Variants in SLC9A9 observed in about 807,000 individuals in gnomAD.
SLC9A9 encodes sodium/hydrogen exchanger 9.
A neutral mutation model predicts 77.8 loss-of-function variants in SLC9A9; 62 were observed. The ratio of observed to expected loss-of-function variants is 0.80; its 90% CI spans 0.65 to 0.98. The LOEUF (loss-of-function observed/expected upper bound fraction) is 0.98. SLC9A9 is among the 50% of genes least tolerant of loss of function. The pLI is 0.00. For missense variants in SLC9A9, 775 were observed against 774.9 expected (o/e 1.00, Z 0.00); for synonymous variants, 320 against 283.5 (o/e 1.13, Z -1.29).
intron 9 of SLC9A9, among the ~76,000 whole-genome samples, chr3:143,537,433 C>T (rs2036608296): frequency 6.6e-6 from 1 of 152,102 alleles, no homozygotes; most frequent in African/African-American, 2.4e-5. Flanking sequence ...CCAACTGCAG[C>T]CTGTGCTCCC....
At chr3:143,765,212 T>C (rs907623090) in intron 4 of SLC9A9, among the ~76,000 whole-genome samples, 1 of 151,354 alleles carries the variant, frequency 6.6e-6, no homozygotes, top group African/African-American at 2.4e-5. Flanking sequence ...CTCTCTTTCT[T>C]TCTCTCTTTC....
intron 14 of SLC9A9, among the ~76,000 whole-genome samples, chr3:143,321,573 G>A (rs1281083666): frequency 1.3e-5 from 2 of 152,122 alleles, no homozygotes; most frequent in Non-Finnish European, 2.9e-5. Context: ...TGTGTGGTCT[G>A]TATTCTGTTT....
intron 15 of SLC9A9, among the ~76,000 whole-genome samples, chr3:143,267,541 C>T (rs959998128): frequency 6.6e-6 from 1 of 151,788 alleles, no homozygotes; most frequent in Non-Finnish European, 1.5e-5. Flanking sequence ...TTAGTAGAGA[C>T]GGGGTTTTGC....
chr3:143,466,979 A>G (rs1559928765), intron 12 of SLC9A9, 58 bp downstream of exon 12: 1 of 1,584,172 alleles, frequency 6.3e-7, no homozygotes, highest in African/African-American at 1.3e-5. Context: ...CAATACCAGA[A>G]ATTGAACAGC....
rs527921177 is a variant in SLC9A9, at chr3:143,793,633, A to AG, written c.533+1367dup. 2.2e-4 allele frequency among the ~76,000 whole-genome samples: 34 copies of AG among 152,336 alleles called. No homozygotes were observed. In the East Asian group the frequency reaches 5.4e-3, roughly 24 times the overall value. On this transcript the variant is annotated intron_variant, in intron 4 of 15. Transcript: ENST00000316549. The stretch of plus-strand genomic sequence containing the variant: ...TCAAGAGAAATTGCTAAAGGAAGAG[A>AG]GGGTGAAGGCCTGCTGGATCAGAAG...
chr3:143,675,162 C>A (rs1284129651), intron 5 of SLC9A9, among the ~76,000 whole-genome samples: 3 of 152,140 alleles, frequency 2.0e-5, no homozygotes, highest in Non-Finnish European at 4.4e-5. Flanking sequence ...ATATATTAGG[C>A]AAATAAGGCC....
chr3:143,752,477 C>T (rs2006764961), intron 4 of SLC9A9, among the ~76,000 whole-genome samples: 1 of 152,174 alleles, frequency 6.6e-6, no homozygotes, highest in African/African-American at 2.4e-5. Context: ...TAGCGGCCTC[C>T]ATAGGTCTGC....
chr3:143,363,395 G>T, intron 14 of SLC9A9, 89 bp downstream of exon 14: 2 of 1,157,802 alleles, frequency 1.7e-6, no homozygotes, highest in Non-Finnish European at 2.6e-6. Flanking sequence ...GTTTCTTGAA[G>T]AGCAGGAGTG....
chr3:143,722,253 C>G (rs1342039976), intron 4 of SLC9A9, among the ~76,000 whole-genome samples: 2 of 152,008 alleles, frequency 1.3e-5, no homozygotes, highest in African/African-American at 4.8e-5. Context: ...GCGGGCGGAT[C>G]ACGAGGTCAG....
chr3:143,498,503 G>A (rs995135668), intron 9 of SLC9A9, among the ~76,000 whole-genome samples: 3 of 150,322 alleles, frequency 2.0e-5, no homozygotes, highest in East Asian at 3.9e-4. Context: ...GCAGTGAGCC[G>A]AGATCACACC....
intron 4 of SLC9A9, among the ~76,000 whole-genome samples, chr3:143,770,790 A>G (rs1463392467): frequency 1.3e-5 from 2 of 152,202 alleles, no homozygotes; most frequent in Admixed American, 1.3e-4. Flanking sequence ...AACTCTCATG[A>G]CAAAAGACTA....
intron 9 of SLC9A9, among the ~76,000 whole-genome samples, chr3:143,535,871 G>C (rs2036582411): frequency 6.6e-6 from 1 of 152,096 alleles, no homozygotes; most frequent in African/African-American, 2.4e-5. Context: ...CTAAGAAATA[G>C]ACAAGATGAG....
At chr3:143,675,250 T>C (rs1043453641) in intron 5 of SLC9A9, among the ~76,000 whole-genome samples, 6 of 152,248 alleles carry the variant, frequency 3.9e-5, no homozygotes, top group African/African-American at 1.4e-4. Flanking sequence ...GGGATTGAAC[T>C]AGACCTGAGG....
chr3:143,667,896 T>G (rs146916985), intron 5 of SLC9A9, among the ~76,000 whole-genome samples: 1 of 152,186 alleles, frequency 6.6e-6, no homozygotes, highest in African/African-American at 2.4e-5. Context: ...GAGTGTAAAC[T>G]AGTTCAACCA....
intron 14 of SLC9A9, among the ~76,000 whole-genome samples, chr3:143,361,635 C>G (rs2032754602): frequency 6.6e-6 from 1 of 152,174 alleles, no homozygotes; most frequent in Non-Finnish European, 1.5e-5. Context: ...GGCAGCATAG[C>G]AATTTCTAGA....
chr3:143,354,354 T>C (rs984951767), intron 14 of SLC9A9, among the ~76,000 whole-genome samples: 1 of 152,242 alleles, frequency 6.6e-6, no homozygotes, highest in Non-Finnish European at 1.5e-5. Context: ...CATGAGTTGG[T>C]TTGACATACA....
chr3:143,395,136 G>T (rs1373919345), intron 12 of SLC9A9, among the ~76,000 whole-genome samples: 2 of 152,158 alleles, frequency 1.3e-5, no homozygotes, highest in African/African-American at 4.8e-5. Context: ...AGCCCGCATT[G>T]CCAAGTCAAT....
intron 1 of SLC9A9, among the ~76,000 whole-genome samples, chr3:143,840,539 C>T (rs2009680830): frequency 1.3e-5 from 2 of 152,220 alleles, no homozygotes; most frequent in African/African-American, 4.8e-5. Context: ...GACTATCCCT[C>T]AAGCTGGGAC....
chr3:143,552,533 T>C lies in SLC9A9; in HGVS notation c.1001-83A>G, dbSNP rs867713309. 175 of 1,150,478 alleles carry C rather than the reference T, an allele frequency of 1.5e-4. 1 individual carries two copies. In the Middle Eastern group the frequency reaches 8.0e-3, roughly 52 times the overall value. The allele number at this position is 1,150,478 out of a possible 1,614,324, so 71.3% of individuals were successfully genotyped here. A position where few individuals can be genotyped will look rare whatever the true frequency, so the allele number is the denominator to read the frequency against. On this transcript the variant is annotated intron_variant, in intron 8 of 15. Transcript: ENST00000316549. ...GGTTAGGGCTATTCCAGTTGGAAAA[T>C]AGACTTGGTGTCAGTAGAGTTAAAA...
Sources: allele counts gnomAD v4.1 joint callset (sites outside exome capture counted in the v4.1 genomes callset), GRCh38; gene constraint gnomAD v4.1.1; transcripts MANE v1.5; gene names NCBI Gene and HGNC (gene_info 2026-07-23, HGNC 2026-07-21).